The following ZNF644 variants were observed in gnomAD, a reference collection of about 807,000 sequenced individuals.
The protein encoded by ZNF644 is zinc finger motif enhancer binding protein 2.
A neutral mutation model predicts 108.0 loss-of-function variants in ZNF644; 20 were observed. The ratio of observed to expected loss-of-function variants is 0.19; its 90% CI spans 0.13 to 0.27. The LOEUF is 0.27. ZNF644 is among the 10% of genes least tolerant of loss of function. The pLI is 1.00. For synonymous variants in ZNF644, 542 were observed against 539.1 expected (o/e 1.01, Z -0.08); for missense variants, 1,338 against 1,548.9 (o/e 0.86, Z 2.29).
chr1:90,956,550 A>G (rs1418152716), intron 2 of ZNF644, among the ~76,000 whole-genome samples: 3 of 152,214 alleles, frequency 2.0e-5, no homozygotes, highest in South Asian at 2.1e-4. Context: ...AGCAGCATGT[A>G]GAGGAAAATT....
chr1:90,998,299 T>A (rs887815199), intron 1 of ZNF644, among the ~76,000 whole-genome samples: 1 of 152,162 alleles, frequency 6.6e-6, no homozygotes. Context: ...CACCCACCAC[T>A]AGGGGCAGAC....
At chr1:90,969,399 T>A (rs997998783) in intron 2 of ZNF644, among the ~76,000 whole-genome samples, 8 of 152,250 alleles carry the variant, frequency 5.3e-5, no homozygotes, top group African/African-American at 1.9e-4. Flanking sequence ...CTACCCAGTC[T>A]GTGGTACAAT....
chr1:90,953,298 AT>A (rs10586999), intron 2 of ZNF644, among the ~76,000 whole-genome samples: 62,349 of 142,752 alleles, frequency 0.44, 13,279 homozygotes, highest in Non-Finnish European at 0.48. Flanking sequence ...ATGAGCCACC[AT>A]TTTTTTTTTT....
At chr1:91,003,792 A>G (rs1260425537) in intron 1 of ZNF644, among the ~76,000 whole-genome samples, 1 of 152,212 alleles carries the variant, frequency 6.6e-6, no homozygotes, top group East Asian at 1.9e-4. Flanking sequence ...AGGACTGACT[A>G]AACAAGACAA....
intron 1 of ZNF644, among the ~76,000 whole-genome samples, chr1:91,017,347 C>T (rs1660516476): frequency 1.3e-5 from 2 of 152,014 alleles, no homozygotes; most frequent in Admixed American, 6.6e-5. Flanking sequence ...ATGGGAAGAC[C>T]ACAGCTAGCA....
At chr1:90,964,585 A>G (rs903324649) in intron 2 of ZNF644, among the ~76,000 whole-genome samples, 7 of 152,182 alleles carry the variant, frequency 4.6e-5, no homozygotes, top group South Asian at 2.1e-4. Context: ...TCATTTACCT[A>G]GAACAGTATA....
chr1:90,966,315 G>A (rs1218736264), intron 2 of ZNF644, among the ~76,000 whole-genome samples: 1 of 152,042 alleles, frequency 6.6e-6, no homozygotes, highest in Non-Finnish European at 1.5e-5. Context: ...ATTATTATTT[G>A]ATCATTTGTT....
Position 90,938,974 on chromosome 1 carries a change from C to A in ZNF644, c.2380G>T (p.Ala794Ser), listed in dbSNP as rs569390417. Residue 794 changes from alanine (A) to serine (S), a missense_variant, in exon 3 of 6, where the codon GCC becomes TCC. By Grantham distance (99) the Ala-to-Ser change is moderately conservative. Around this residue, in one of 6 missense-constraint regions of ZNF644, gnomAD observed 462 missense variants for 472.6 expected, o/e 0.98. Coordinates refer to ENST00000337393, the MANE Select transcript of ZNF644 (RefSeq NM_201269.3). The surrounding 1 kb of genome is among the most constrained non-coding windows in gnomAD (Gnocchi z 4.2). ...NFISDPHKPD[A>S]KRPESFKDHR... ...TCTTTGAAGCTTTCAGGCCTTTTGG[C>A]GTCAGGCTTATGAGGGTCTGAAATA... 1 of 1,613,928 alleles carries A rather than the reference C, an allele frequency of 6.2e-7. No individual in the cohort carries two copies.
chr1:91,010,396 G>A (rs932929550), intron 1 of ZNF644, among the ~76,000 whole-genome samples: 1 of 149,584 alleles, frequency 6.7e-6, no homozygotes, highest in East Asian at 2.0e-4. Context: ...CCACCATCAC[G>A]CTTGGCTAAT....
At chr1:90,927,997 C>T (rs1650251804) in intron 4 of ZNF644, among the ~76,000 whole-genome samples, 1 of 151,836 alleles carries the variant, frequency 6.6e-6, no homozygotes. Flanking sequence ...GCGCCCACCA[C>T]CACGCCTGGC....
rs59922637 is a variant in ZNF644, at chr1:90,938,746, T to C, written c.2608A>G (p.Thr870Ala). 3,851 of 1,613,938 alleles carry C rather than the reference T, an allele frequency of 2.4e-3. 84 individuals are homozygous for C. In the African/African-American group the frequency reaches 0.045, roughly 19 times the overall value. The change falls in exon 3 of 6, where the codon ACT becomes GCT. Residue 870 changes from threonine to alanine, a missense_variant. This residue lies in a region of ZNF644 where 462 missense variants were observed against 472.6 expected (regional missense o/e 0.98). Coordinates refer to ENST00000337393, the MANE Select transcript of ZNF644 (RefSeq NM_201269.3). This position sits in a 1 kb window ranked among gnomAD's most constrained non-coding sequence, Gnocchi z 4.2. ...GTTTCATCTTCTATGGCCTGTGTAG[T>C]GTAGTCTCCTAACTCAACATTATCC... ...SWDNVELGDY[T>A]TQAIEDETYS...
intron 2 of ZNF644, among the ~76,000 whole-genome samples, chr1:90,973,456 C>A (rs1655699673): frequency 6.6e-6 from 1 of 152,102 alleles, no homozygotes; most frequent in Non-Finnish European, 1.5e-5. Flanking sequence ...CATTGTTAAA[C>A]TCGTATTTTA....
intron 2 of ZNF644, among the ~76,000 whole-genome samples, chr1:90,980,723 T>A (rs1421469685): frequency 6.6e-6 from 1 of 151,990 alleles, no homozygotes; most frequent in Non-Finnish European, 1.5e-5. Context: ...CATACAAGAG[T>A]ACATACTATA....
chr1:90,924,538 C>T (rs1649802195), intron 4 of ZNF644, among the ~76,000 whole-genome samples: 1 of 151,956 alleles, frequency 6.6e-6, no homozygotes, highest in African/African-American at 2.4e-5. Flanking sequence ...CTAAGAAAAC[C>T]ACCAAACTTT....
intron 1 of ZNF644, among the ~76,000 whole-genome samples, chr1:91,012,434 C>T (rs1660042936): frequency 6.6e-6 from 1 of 151,332 alleles, no homozygotes; most frequent in Admixed American, 6.6e-5. Flanking sequence ...GCTGAGATTG[C>T]GCCAATGCAC....
intron 1 of ZNF644, among the ~76,000 whole-genome samples, chr1:90,996,577 G>C (rs933966462): frequency 1.3e-5 from 2 of 152,182 alleles, no homozygotes; most frequent in African/African-American, 4.8e-5. Flanking sequence ...TTGAGTCCAA[G>C]TGCTTGGAAC....
chr1:90,986,412 G>C (rs1293767288), intron 1 of ZNF644, among the ~76,000 whole-genome samples: 1 of 151,616 alleles, frequency 6.6e-6, no homozygotes, highest in East Asian at 1.9e-4. Flanking sequence ...ATATATCTTG[G>C]AACACAAAAA....
chr1:90,933,062 G>T (rs1650919104), intron 4 of ZNF644, among the ~76,000 whole-genome samples: 1 of 152,090 alleles, frequency 6.6e-6, no homozygotes, highest in Non-Finnish European at 1.5e-5. Flanking sequence ...TGATAATGAA[G>T]ATTTTTTAGA....
intron 2 of ZNF644, among the ~76,000 whole-genome samples, chr1:90,975,455 T>G (rs1655897688): frequency 1.4e-5 from 2 of 148,008 alleles, no homozygotes; most frequent in African/African-American, 4.9e-5. Flanking sequence ...TTTTTTTTTT[T>G]GAGACAGAGT....
Sources: allele counts gnomAD v4.1 joint callset (sites outside exome capture counted in the v4.1 genomes callset), GRCh38; gene constraint gnomAD v4.1.1; regional missense constraint gnomAD v4.1.1; non-coding constraint Gnocchi (gnomAD v3.1); transcripts MANE v1.5; gene names NCBI Gene and HGNC (gene_info 2026-07-23, HGNC 2026-07-21).